The following SORCS3 variants were observed in gnomAD, a reference collection of about 807,000 sequenced individuals.
The protein encoded by SORCS3 is VPS10 domain-containing receptor SorCS3.
In SORCS3, 57 loss-of-function variants were observed where a neutral mutation model predicts 146.3. The observed-to-expected ratio is 0.39, with a 90% confidence interval of 0.31 to 0.49. The LOEUF (loss-of-function observed/expected upper bound fraction) is 0.49. Ranked by LOEUF, SORCS3 falls within the 20% of genes least tolerant of loss-of-function variation. The pLI is 0.92. For synonymous variants in SORCS3, 653 were observed against 618.5 expected, an observed-to-expected ratio of 1.06 and a Z score of -0.83; for missense variants, 1,341 against 1,575.5, an observed-to-expected ratio of 0.85 and a Z score of 2.52.
intron 23 of SORCS3, among the ~76,000 whole-genome samples, chr10:105,254,693 G>A (rs1292476733): frequency 6.6e-6 from 1 of 151,908 alleles, no homozygotes; most frequent in Non-Finnish European, 1.5e-5. Context: ...CAGCTACTCA[G>A]GAGGCTGAGG....
At chr10:105,024,056 A>G (rs994970254) in intron 4 of SORCS3, among the ~76,000 whole-genome samples, 101 of 152,306 alleles carry the variant, frequency 6.6e-4, no homozygotes, top group African/African-American at 2.1e-3. Flanking sequence ...AATTATGTTT[A>G]TCTTTGTAAT....
At position 104,818,412 on chromosome 10, in the gene SORCS3, C is replaced by CT. The variant is rs113735678; in HGVS notation, c.628-24370dup. 1.0e-3 allele frequency among the ~76,000 whole-genome samples: 148 copies of CT among 145,492 alleles called. 1 individual carries two copies. The highest frequency in any genetic ancestry group is 5.2e-3 in the East Asian group (26 of 4,964). Reference sequence around the variant, plus strand: ...TCCTTCCTTCCTTCCTTCTTTCTCTCTTTTTTTTTTGGAGCTGGTCCTCTA... The same window carrying CT: ...TCCTTCCTTCCTTCCTTCTTTCTCTCTTTTTTTTTTTGGAGCTGGTCCTCTA... On this transcript the variant is annotated intron_variant, in intron 1 of 26. Transcript: ENST00000369701.
At chr10:104,773,529 T>G (rs754156596) in intron 1 of SORCS3, among the ~76,000 whole-genome samples, 1 of 152,224 alleles carries the variant, frequency 6.6e-6, no homozygotes, top group Admixed American at 6.5e-5. Flanking sequence ...AGTGAGCTGG[T>G]GTTTAAACAT....
intron 4 of SORCS3, among the ~76,000 whole-genome samples, chr10:105,010,467 C>T (rs1252526874): frequency 6.6e-6 from 1 of 152,202 alleles, no homozygotes; most frequent in African/African-American, 2.4e-5. Context: ...TCACACTGGC[C>T]ATTAACCAAG....
At chr10:105,052,917 A>C (rs754923512) in intron 5 of SORCS3, among the ~76,000 whole-genome samples, 6 of 152,116 alleles carry the variant, frequency 3.9e-5, no homozygotes, top group African/African-American at 1.4e-4. Context: ...GCTGTGCATT[A>C]GTCAGTGCTG....
chr10:105,150,147 G>C (rs2056158385), intron 9 of SORCS3, among the ~76,000 whole-genome samples: 2 of 151,980 alleles, frequency 1.3e-5, no homozygotes, highest in South Asian at 4.2e-4. Context: ...GTTTTGAGGG[G>C]GTCAATAAAC....
intron 6 of SORCS3, among the ~76,000 whole-genome samples, chr10:105,098,384 A>C (rs2055760814): frequency 6.6e-6 from 1 of 152,248 alleles, no homozygotes. Flanking sequence ...ATTATATTAC[A>C]TTCCAAAAGG....
intron 20 of SORCS3, among the ~76,000 whole-genome samples, chr10:105,242,752 ATTTATAT>A (rs2056840695): frequency 9.5e-6 from 1 of 105,066 alleles, no homozygotes; most frequent in Non-Finnish European, 1.7e-5. Context: ...ATTTATATAT[ATTTATAT>A]TTTATATATT....
chr10:105,144,350 ACTT>A (rs1014706789), intron 8 of SORCS3, among the ~76,000 whole-genome samples: 1 of 152,170 alleles, frequency 6.6e-6, no homozygotes, highest in African/African-American at 2.4e-5. Flanking sequence ...TCAGAAGACA[ACTT>A]CTTGAGGGCA....
chr10:104,969,374 T>G (rs2133641538), intron 3 of SORCS3, among the ~76,000 whole-genome samples: 1 of 151,498 alleles, frequency 6.6e-6, no homozygotes, highest in Non-Finnish European at 1.5e-5. Context: ...AAGGTGTGGG[T>G]TTTGAGGCAA....
At chr10:105,245,773 A>G in intron 21 of SORCS3, 108 bp downstream of exon 21, 1 of 1,369,278 alleles carries the variant, frequency 7.3e-7, no homozygotes, top group South Asian at 1.5e-5. Flanking sequence ...GGCCCTGGGA[A>G]AATTACATAG....
chr10:105,082,380 G>A (rs992838391), intron 5 of SORCS3, among the ~76,000 whole-genome samples: 2 of 152,170 alleles, frequency 1.3e-5, no homozygotes, highest in Non-Finnish European at 2.9e-5. Flanking sequence ...AAGACAGGCA[G>A]GAAAGTATAT....
At chr10:104,959,244 C>A (rs2054775625) in intron 3 of SORCS3, among the ~76,000 whole-genome samples, 1 of 152,118 alleles carries the variant, frequency 6.6e-6, no homozygotes, top group Non-Finnish European at 1.5e-5. Context: ...ATGCTATTCA[C>A]CCCTACACAT....
At chr10:104,859,348 G>A (rs1589526377) in intron 2 of SORCS3, among the ~76,000 whole-genome samples, 1 of 152,074 alleles carries the variant, frequency 6.6e-6, no homozygotes, top group South Asian at 2.1e-4. Context: ...ATGGTGCTGG[G>A]AAAATTGGCT....
chr10:105,179,638 A>G (rs982723725), intron 14 of SORCS3, among the ~76,000 whole-genome samples: 9 of 152,210 alleles, frequency 5.9e-5, no homozygotes, highest in Admixed American at 3.9e-4. Flanking sequence ...CTTTTGTATG[A>G]AAACAACACA....
At chr10:104,675,149 T>C (rs1564656510) in intron 1 of SORCS3, among the ~76,000 whole-genome samples, 1 of 152,244 alleles carries the variant, frequency 6.6e-6, no homozygotes, top group Non-Finnish European at 1.5e-5. Flanking sequence ...TTTTTCATTT[T>C]AGTCATTCTG....
chr10:104,879,011 T>C (rs1181300048), intron 2 of SORCS3, among the ~76,000 whole-genome samples: 1 of 152,208 alleles, frequency 6.6e-6, no homozygotes, highest in Non-Finnish European at 1.5e-5. Context: ...ATTTGTGTTA[T>C]AAAAGACTGC....
chr10:105,039,451 CTTTTTTTTT>C (rs920662213), intron 4 of SORCS3, among the ~76,000 whole-genome samples: 1 of 96,550 alleles, frequency 1.0e-5, no homozygotes, highest in Non-Finnish European at 2.0e-5. Flanking sequence ...CTCTCGCTCT[CTTTTTTTTT>C]TTTTTTTTTT....
chr10:104,882,588 A>G (rs777531136), intron 2 of SORCS3, among the ~76,000 whole-genome samples: 1 of 152,188 alleles, frequency 6.6e-6, no homozygotes, highest in Admixed American at 6.5e-5. Flanking sequence ...AGGCCCACAG[A>G]GAGAGAAAGC....
Sources: gnomAD v4.1 joint callset for allele counts (sites outside exome capture counted in the v4.1 genomes callset) on GRCh38, gnomAD v4.1.1 for gene constraint, MANE v1.5 for transcripts, NCBI Gene and HGNC (gene_info 2026-07-23, HGNC 2026-07-21) for gene names.